Variants in COL6A6 observed in about 807,000 individuals in gnomAD.
COL6A6 encodes collagen type VI alpha 6 chain.
COL6A6 carries 183 observed loss-of-function variants against 208.6 expected under a neutral mutation model. The ratio of observed to expected loss-of-function variants is 0.88; its 90% CI spans 0.78 to 0.99. The LOEUF is 0.99. Among genes scored for constraint, COL6A6 ranks in the 50% least tolerant of loss-of-function variants. The pLI, the probability that COL6A6 is intolerant of heterozygous loss-of-function variation, is 0.00. For missense variants in COL6A6, 2,816 were observed against 2,815.2 expected (o/e 1.00, Z -0.01); for synonymous variants, 973 against 1,011.8 (o/e 0.96, Z 0.73).
chr3:130,581,941 G>A (rs754587648), intron 9 of COL6A6, 37 bp downstream of exon 9: 1 of 1,586,794 alleles, frequency 6.3e-7, no homozygotes, highest in South Asian at 1.1e-5. Context: ...GTCTATGATT[G>A]CAATGAACCC....
chr3:130,527,281 A>G (rs553585447), intron 1 of COL6A6, among the ~76,000 whole-genome samples: 4 of 152,312 alleles, frequency 2.6e-5, no homozygotes, highest in African/African-American at 9.6e-5. Flanking sequence ...TTTCTTCTCC[A>G]GTAAAGATAA....
intron 19 of COL6A6, among the ~76,000 whole-genome samples, 182 bp downstream of exon 19, chr3:130,598,612 A>G (rs781685489): frequency 9.2e-5 from 14 of 152,220 alleles, no homozygotes; most frequent in Non-Finnish European, 1.9e-4. Flanking sequence ...GGATTTGAGA[A>G]ACATTCTTGC....
intron 1 of COL6A6, among the ~76,000 whole-genome samples, chr3:130,547,440 T>G (rs184273510): frequency 5.1e-3 from 778 of 152,300 alleles, no homozygotes; most frequent in Non-Finnish European, 8.1e-3. Flanking sequence ...GGCCTGTGCC[T>G]CTCCCTCCAC....
intron 1 of COL6A6, among the ~76,000 whole-genome samples, chr3:130,551,325 T>C (rs1252589071): frequency 6.6e-6 from 1 of 152,220 alleles, no homozygotes; most frequent in South Asian, 2.1e-4. Flanking sequence ...GGTAGGCTTA[T>C]TATTGATTCA....
At chr3:130,599,058 C>T (rs2063929080) in intron 19 of COL6A6, among the ~76,000 whole-genome samples, 1 of 152,172 alleles carries the variant, frequency 6.6e-6, no homozygotes, top group Non-Finnish European at 1.5e-5. Flanking sequence ...ATCTCATGCT[C>T]CGTTGCTTAC....
In COL6A6 at chr3:130,567,178, GAA is replaced by G; in HGVS notation, c.1762_1763del (p.Lys588GlufsTer7). On this transcript the variant is annotated frameshift_variant, in exon 5 of 37. Transcript: ENST00000358511. LOFTEE classifies it high-confidence loss of function. The part of the protein sequence containing the change: ...QTQLREIAGE[E>X]KRVYYVHDFD... ...ACAGCTGAGAGAAATTGCAGGAGAGGAAAAGAGAGTGTATTACGTGCATGACT... is the reference window on the plus strand; with the variant it reads ...ACAGCTGAGAGAAATTGCAGGAGAGGAAGAGAGTGTATTACGTGCATGACT... 6.2e-7 allele frequency: 1 copy of G among 1,613,686 alleles called. No individual in the cohort carries two copies. The highest frequency in any genetic ancestry group is 1.1e-5 in the South Asian group (1 of 91,076).
chr3:130,597,300 G>A (rs913712599), intron 18 of COL6A6, among the ~76,000 whole-genome samples: 14 of 152,178 alleles, frequency 9.2e-5, no homozygotes, highest in South Asian at 4.1e-4. Context: ...GGCTTTGGTA[G>A]GTGGAGGAAA....
chr3:130,538,811 C>T (rs934656846), intron 1 of COL6A6, among the ~76,000 whole-genome samples: 1 of 152,148 alleles, frequency 6.6e-6, no homozygotes, highest in Non-Finnish European at 1.5e-5. Flanking sequence ...GAATTTGTCC[C>T]ACACCTCCTA....
At chr3:130,540,625 G>A (rs189565926) in intron 1 of COL6A6, among the ~76,000 whole-genome samples, 96 of 152,204 alleles carry the variant, frequency 6.3e-4, no homozygotes, top group African/African-American at 2.1e-3. Context: ...CCCAACATGC[G>A]TTATCTCTTT....
intron 2 of COL6A6, among the ~76,000 whole-genome samples, chr3:130,561,810 G>C (rs946592673): frequency 7.3e-5 from 11 of 151,006 alleles, no homozygotes; most frequent in African/African-American, 2.7e-4. Flanking sequence ...CCGCCACCGC[G>C]CCCGGCTAAT....
intron 3 of COL6A6, 58 bp downstream of exon 3, chr3:130,563,722 G>A (rs1382996335): frequency 8.5e-6 from 10 of 1,178,220 alleles, no homozygotes; most frequent in Admixed American, 4.4e-5. Context: ...AAATTAAAAT[G>A]GGGAGAGGAT....
intron 1 of COL6A6, among the ~76,000 whole-genome samples, chr3:130,544,106 T>A (rs6788006): frequency 0.033 from 4,971 of 152,270 alleles, 284 homozygotes; most frequent in African/African-American, 0.11. Flanking sequence ...TCCTGACTTA[T>A]TCATCCTATA....
In COL6A6 at chr3:130,665,014, A is replaced by C; in HGVS notation, c.6514A>C (p.Lys2172Gln). The C allele has an allele frequency of 6.2e-7, 1 of 1,600,484 alleles. No individual in the cohort carries two copies. ...CTTTTCTCTTCTAGGTGCAATCAAC[A>C]AATATCCACCAATAAACTTAAAAAT... ...FINSIRRAIN[K>Q]YPPINLKIKC... The change falls in exon 36 of 37, where the codon AAA (lysine) becomes CAA (glutamine). Residue 2172 changes from lysine (K) to glutamine (Q), a missense_variant. Transcript: ENST00000358511.
intron 33 of COL6A6, among the ~76,000 whole-genome samples, chr3:130,658,295 G>T (rs2065848060): frequency 6.6e-6 from 1 of 152,146 alleles, no homozygotes; most frequent in Non-Finnish European, 1.5e-5. Flanking sequence ...GTAAAATGGG[G>T]ATGATGAGCA....
rs1160997805 is a variant in COL6A6 at position 130,662,315 on chromosome 3, C to CTTAT, written c.6502+7_6502+8insTTAT. ...TTTATAAACTCAATCAGGCGTAAGT[C>CTTAT]ATAAAATCTGTTGTTCTCTGCACTT... On this transcript the variant is annotated splice_region_variant and intron_variant, in intron 35 of 36. Transcript: ENST00000358511. 3.7e-6 allele frequency: 6 copies of CTTAT among 1,605,370 alleles called. No homozygotes were observed. The highest frequency in any genetic ancestry group is 5.1e-6 in the Non-Finnish European group (6 of 1,174,578).
intron 11 of COL6A6, 66 bp from the exon 12 acceptor site, chr3:130,589,024 G>A: frequency 8.2e-7 from 1 of 1,213,040 alleles, no homozygotes. Flanking sequence ...TCGCATGGTT[G>A]AACTTGTATA....
Position 130,599,740 on chromosome 3 carries a change from G to C in COL6A6, c.4600-17G>C. 5 of 1,613,504 alleles carry C rather than the reference G, an allele frequency of 3.1e-6. No individual in the cohort carries two copies. The highest frequency in any genetic ancestry group is 4.2e-6 in the Non-Finnish European group (5 of 1,179,550). On this transcript the variant is annotated splice_polypyrimidine_tract_variant and intron_variant, in intron 19 of 36. Transcript: ENST00000358511. The stretch of plus-strand genomic sequence containing the variant: ...GCTGCATAATTACCGTCACACATCT[G>C]TCTGTTCCTTTGACAGGGCAGAAGA...
chr3:130,588,283 T>C (rs909780951), intron 11 of COL6A6, among the ~76,000 whole-genome samples: 4 of 152,238 alleles, frequency 2.6e-5, no homozygotes, highest in Non-Finnish European at 5.9e-5. Context: ...ATTGGGAAAC[T>C]TCACAATACA....
At chr3:130,589,032 A>G (rs569572021) in intron 11 of COL6A6, 58 bp from the exon 12 acceptor site, 1 of 1,314,300 alleles carries the variant, frequency 7.6e-7, no homozygotes, top group Non-Finnish European at 1.1e-6. Flanking sequence ...TTGAACTTGT[A>G]TATGAGATTT....
Sources: gnomAD v4.1 joint callset for allele counts (sites outside exome capture counted in the v4.1 genomes callset) on GRCh38, gnomAD v4.1.1 for gene constraint, MANE v1.5 for transcripts, NCBI Gene and HGNC (gene_info 2026-07-23, HGNC 2026-07-21) for gene names.